Variants in PITPNC1 observed in about 807,000 individuals in gnomAD.
PITPNC1 encodes cytoplasmic phosphatidylinositol transfer protein 1.
Under a neutral mutation model 44.7 loss-of-function variants are expected in PITPNC1, and 18 were observed. The ratio of observed to expected loss-of-function variants is 0.40; its 90% confidence interval spans 0.28 to 0.60. The LOEUF (loss-of-function observed/expected upper bound fraction) is 0.60. Among genes scored for constraint, PITPNC1 ranks in the 20% least tolerant of loss-of-function variants. The pLI is 0.39. For missense variants in PITPNC1, 290 were observed against 418.4 expected, an observed-to-expected ratio of 0.69 and a Z score of 2.68; for synonymous variants, 141 against 149.6, an observed-to-expected ratio of 0.94 and a Z score of 0.42.
intron 8 of PITPNC1, among the ~76,000 whole-genome samples, chr17:67,677,090 T>C (rs2042616857): frequency 6.6e-6 from 1 of 152,132 alleles, no homozygotes; most frequent in Non-Finnish European, 1.5e-5. Context: ...AAATAAATCT[T>C]TCTGGTTGTT....
chr17:67,620,212 C>A (rs1048692944), intron 5 of PITPNC1, among the ~76,000 whole-genome samples: 1 of 152,056 alleles, frequency 6.6e-6, no homozygotes, highest in African/African-American at 2.4e-5. Flanking sequence ...TGCCACCACA[C>A]CTGACGAATT....
chr17:67,599,706 G>A (rs1454372572), intron 5 of PITPNC1, among the ~76,000 whole-genome samples: 1 of 152,178 alleles, frequency 6.6e-6, no homozygotes, highest in Non-Finnish European at 1.5e-5. Context: ...ACATGGTGGA[G>A]TTAGAAGCCA....
At chr17:67,401,682 A>G (rs1346057565) in intron 1 of PITPNC1, among the ~76,000 whole-genome samples, 1 of 151,998 alleles carries the variant, frequency 6.6e-6, no homozygotes, top group Non-Finnish European at 1.5e-5. Flanking sequence ...CATCTCCACT[A>G]AAAATACAAA....
intron 8 of PITPNC1, among the ~76,000 whole-genome samples, chr17:67,679,645 T>C (rs533553130): frequency 6.6e-6 from 1 of 152,232 alleles, no homozygotes; most frequent in African/African-American, 2.4e-5. Flanking sequence ...GTCACGAAAC[T>C]GTTTCCCTAA....
chr17:67,483,246 G>C (rs2039728247), intron 1 of PITPNC1, among the ~76,000 whole-genome samples: 1 of 152,200 alleles, frequency 6.6e-6, no homozygotes, highest in African/African-American at 2.4e-5. Context: ...TGAACTTGTA[G>C]CCAATTTTAT....
intron 1 of PITPNC1, among the ~76,000 whole-genome samples, chr17:67,422,831 C>T (rs185062729): frequency 1.3e-4 from 20 of 152,284 alleles, no homozygotes; most frequent in Admixed American, 7.2e-4. Flanking sequence ...TGAGCTACCA[C>T]GCCGGTCTAG....
chr17:67,526,958 C>T (rs2040398725), intron 1 of PITPNC1, among the ~76,000 whole-genome samples: 1 of 152,140 alleles, frequency 6.6e-6, no homozygotes, highest in Non-Finnish European at 1.5e-5. Flanking sequence ...CTGATGATAA[C>T]TCACGGAGGT....
intron 1 of PITPNC1, among the ~76,000 whole-genome samples, chr17:67,435,967 G>GT (rs1328195454): frequency 6.6e-6 from 1 of 152,020 alleles, no homozygotes; most frequent in East Asian, 1.9e-4. Context: ...ATGGTTGGTG[G>GT]TTTTTTTGTT....
chr17:67,609,463 T>C (rs1273707193), intron 5 of PITPNC1, among the ~76,000 whole-genome samples: 4 of 151,922 alleles, frequency 2.6e-5, no homozygotes, highest in Non-Finnish European at 4.4e-5. Context: ...CTAACTTTTG[T>C]ATTCTTAATA....
At chr17:67,544,198 C>G (rs1419121256) in intron 2 of PITPNC1, among the ~76,000 whole-genome samples, 1 of 152,150 alleles carries the variant, frequency 6.6e-6, no homozygotes, top group Non-Finnish European at 1.5e-5. Context: ...AAGTAGTATG[C>G]CTTGACACGT....
chr17:67,542,342 A>G (rs530673118), intron 2 of PITPNC1, among the ~76,000 whole-genome samples: 13 of 152,298 alleles, frequency 8.5e-5, no homozygotes, highest in Admixed American at 7.2e-4. Flanking sequence ...ATAAATCCCC[A>G]TCATCATAAA....
intron 8 of PITPNC1, among the ~76,000 whole-genome samples, chr17:67,685,892 G>A (rs1465228602): frequency 6.6e-6 from 1 of 152,012 alleles, no homozygotes; most frequent in Non-Finnish European, 1.5e-5. Context: ...GTGCAGTGGT[G>A]TGATCTCAGC....
At chr17:67,470,460 C>A (rs1265070921) in intron 1 of PITPNC1, among the ~76,000 whole-genome samples, 1 of 152,234 alleles carries the variant, frequency 6.6e-6, no homozygotes, top group Non-Finnish European at 1.5e-5. Context: ...TAAAGTCTTG[C>A]CTTTCTTAAA....
chr17:67,445,055 A>C (rs1366320114), intron 1 of PITPNC1, among the ~76,000 whole-genome samples: 1 of 151,718 alleles, frequency 6.6e-6, no homozygotes, highest in Non-Finnish European at 1.5e-5. Flanking sequence ...GATTTTAGGG[A>C]GGTAACAGAT....
intron 1 of PITPNC1, among the ~76,000 whole-genome samples, chr17:67,391,065 G>GTGTGTGTGTA (rs1483477006): frequency 6.8e-6 from 1 of 146,496 alleles, no homozygotes; most frequent in Non-Finnish European, 1.6e-5. Context: ...TTTAGCGTGT[G>GTGTGTGTGTA]TGTGTGTGTG....
At chr17:67,416,800 TTCTC>T (rs929803534) in intron 1 of PITPNC1, among the ~76,000 whole-genome samples, 1 of 152,174 alleles carries the variant, frequency 6.6e-6, no homozygotes, top group Non-Finnish European at 1.5e-5. Flanking sequence ...ACATTCAGCA[TTCTC>T]TCTGTCTCTC....
At chr17:67,599,034 A>ATATTTT (rs1461493250) in intron 5 of PITPNC1, among the ~76,000 whole-genome samples, 3 of 35,674 alleles carry the variant, frequency 8.4e-5, no homozygotes, top group African/African-American at 3.4e-4. Context: ...ATATATATAT[A>ATATTTT]TTTTTTTTTT....
intron 1 of PITPNC1, among the ~76,000 whole-genome samples, chr17:67,487,603 C>T (rs2039798495): frequency 6.6e-6 from 1 of 152,176 alleles, no homozygotes; most frequent in Non-Finnish European, 1.5e-5. Context: ...TTTAATCCAA[C>T]TTCTGTTGAA....
intron 1 of PITPNC1, among the ~76,000 whole-genome samples, chr17:67,403,455 CT>C (rs1162118778): frequency 6.6e-6 from 1 of 152,088 alleles, no homozygotes; most frequent in Non-Finnish European, 1.5e-5. Flanking sequence ...GTGAAGCCAA[CT>C]TTTTTAGTGT....
Sources: allele counts gnomAD v4.1 joint callset (sites outside exome capture counted in the v4.1 genomes callset), GRCh38; gene constraint gnomAD v4.1.1; transcripts MANE v1.5; gene names NCBI Gene and HGNC (gene_info 2026-07-23, HGNC 2026-07-21).